The following TRIM51G variants were observed in gnomAD, a reference collection of about 807,000 sequenced individuals.
The protein encoded by TRIM51G is tripartite motif-containing 51G.
the TRIM51G span, chr11:48,981,582 A>G: frequency 3.1e-6 from 5 of 1,601,570 alleles, no homozygotes; most frequent in South Asian, 1.1e-5. Flanking sequence ...TGAGGTAGAA[A>G]CAGGGCCGGC....
At chr11:48,978,398 A>G in the TRIM51G span, among the ~76,000 whole-genome samples, 1 of 152,100 alleles carries the variant, frequency 6.6e-6, no homozygotes, top group Non-Finnish European at 1.5e-5. Context: ...GAGGAGGCCC[A>G]CAGAGTCTAT....
chr11:48,975,563 A>T, the TRIM51G span: 5 of 1,382,952 alleles, frequency 3.6e-6, no homozygotes, highest in African/African-American at 7.1e-5. Context: ...GGGATGGTGT[A>T]TATCAGGGAA....
At chr11:48,979,474 T>C in the TRIM51G span, among the ~76,000 whole-genome samples, 5 of 152,146 alleles carry the variant, frequency 3.3e-5, no homozygotes, top group African/African-American at 1.2e-4. Flanking sequence ...AAAACCATTA[T>C]ATGACAAATG....
chr11:48,977,096 T>TC, the TRIM51G span: 1 of 1,104,592 alleles, frequency 9.1e-7, no homozygotes, highest in Non-Finnish European at 1.4e-6. Context: ...TCTGAATCCC[T>TC]TGAGCCTGTC....
At chr11:48,980,703 G>T in the TRIM51G span, among the ~76,000 whole-genome samples, 1 of 152,022 alleles carries the variant, frequency 6.6e-6, no homozygotes, top group Non-Finnish European at 1.5e-5. Context: ...AGCATGCTTG[G>T]GTAACATCTG....
the TRIM51G span, among the ~76,000 whole-genome samples, chr11:48,981,917 T>C: frequency 9.7e-3 from 1,473 of 152,266 alleles, 8 homozygotes; most frequent in Non-Finnish European, 0.016. Flanking sequence ...CCTCTTCTAC[T>C]CCTAGTTCCT....
At chr11:48,979,325 G>A in the TRIM51G span, among the ~76,000 whole-genome samples, 1 of 152,106 alleles carries the variant, frequency 6.6e-6, no homozygotes, top group Non-Finnish European at 1.5e-5. Flanking sequence ...TAAGATAGTT[G>A]TATAAAAATG....
the TRIM51G span, among the ~76,000 whole-genome samples, chr11:48,982,328 T>C: frequency 6.6e-6 from 1 of 152,138 alleles, no homozygotes; most frequent in Non-Finnish European, 1.5e-5. Flanking sequence ...AACTATGAAC[T>C]GACATATAGT....
the TRIM51G span, chr11:48,976,075 C>G: frequency 2.6e-6 from 1 of 378,464 alleles, no homozygotes; most frequent in Non-Finnish European, 5.0e-6. Context: ...AGTTGTTCTA[C>G]CAAGAATTTA....
the TRIM51G span, chr11:48,978,197 A>G: frequency 1.1e-5 from 6 of 531,726 alleles, no homozygotes; most frequent in Non-Finnish European, 2.3e-5. Flanking sequence ...GCTTTCCACA[A>G]GATGCATCTT....
chr11:48,979,284 A>G, the TRIM51G span, among the ~76,000 whole-genome samples: 2 of 152,124 alleles, frequency 1.3e-5, no homozygotes, highest in Non-Finnish European at 2.9e-5. Flanking sequence ...CTGCCCAGTT[A>G]TATTTACTTG....
chr11:48,981,860 G>A, the TRIM51G span, among the ~76,000 whole-genome samples: 37 of 152,220 alleles, frequency 2.4e-4, no homozygotes, highest in Non-Finnish European at 4.1e-4. Flanking sequence ...TACACAAAGA[G>A]AGTCTTAAGG....
At chr11:48,975,839 T>A in the TRIM51G span, 1 of 1,270,398 alleles carries the variant, frequency 7.9e-7, no homozygotes, top group African/African-American at 1.5e-5. Context: ...CAATAAAATT[T>A]GCCAGATATG....
At chr11:48,976,875 C>A in the TRIM51G span, among the ~76,000 whole-genome samples, 4 of 151,786 alleles carry the variant, frequency 2.6e-5, no homozygotes, top group Non-Finnish European at 4.4e-5. Flanking sequence ...TACATGTGAG[C>A]CCAGAATATA....
the TRIM51G span, chr11:48,981,562 T>C: frequency 6.2e-7 from 1 of 1,601,694 alleles, no homozygotes; most frequent in Non-Finnish European, 8.5e-7. Context: ...AACTGCCATG[T>C]CTTGCCAGTT....
the TRIM51G span, chr11:48,978,146 T>C: frequency 1.9e-6 from 1 of 528,890 alleles, no homozygotes; most frequent in Non-Finnish European, 3.9e-6. Flanking sequence ...ACCTTTGTAA[T>C]ATGTCTCCAA....
At chr11:48,976,868 A>G in the TRIM51G span, among the ~76,000 whole-genome samples, 1 of 152,068 alleles carries the variant, frequency 6.6e-6, no homozygotes, top group Non-Finnish European at 1.5e-5. Flanking sequence ...AACTCTATAC[A>G]TGTGAGCCCA....
the TRIM51G span, among the ~76,000 whole-genome samples, chr11:48,979,495 CA>C: frequency 6.6e-6 from 1 of 151,958 alleles, no homozygotes. Flanking sequence ...ATGACATGAC[CA>C]CAGACTAGCA....
chr11:48,980,694 G>T, the TRIM51G span, among the ~76,000 whole-genome samples: 1,520 of 152,244 alleles, frequency 1.0e-2, 27 homozygotes, highest in African/African-American at 0.034. Flanking sequence ...AAACAGATGA[G>T]CATGCTTGGG....
Sources: allele counts gnomAD v4.1 joint callset (sites outside exome capture counted in the v4.1 genomes callset), GRCh38; gene constraint gnomAD v4.1.1; transcripts MANE v1.5; gene names NCBI Gene and HGNC (gene_info 2026-07-23, HGNC 2026-07-21).